The following GRID2 variants were observed in gnomAD, a reference collection of about 807,000 sequenced individuals.
GRID2 encodes the protein glutamate ionotropic receptor delta type subunit 2, also known as glutamate receptor ionotropic, delta-2.
GRID2 carries 33 observed loss-of-function variants against 114.8 expected under a neutral mutation model. That is an observed-to-expected ratio of 0.29 (90% CI 0.22 to 0.38). The LOEUF is 0.38. Ranked by LOEUF, GRID2 falls within the 10% of genes least tolerant of loss-of-function variation. GRID2 has a pLI of 1.00. For synonymous variants in GRID2, 505 were observed against 449.9 expected, an observed-to-expected ratio of 1.12 and a Z score of -1.55; for missense variants, 1,184 against 1,257.7, an observed-to-expected ratio of 0.94 and a Z score of 0.89.
intron 1 of GRID2, among the ~76,000 whole-genome samples, chr4:93,781,502 T>A (rs1337549457): frequency 6.6e-6 from 1 of 152,108 alleles, no homozygotes; most frequent in Non-Finnish European, 1.5e-5. Flanking sequence ...TCATTTGCAG[T>A]GGGTCCCTCA....
At chr4:93,465,347 A>C (rs1475459924) in intron 11 of GRID2, among the ~76,000 whole-genome samples, 1 of 152,188 alleles carries the variant, frequency 6.6e-6, no homozygotes, top group Non-Finnish European at 1.5e-5. Flanking sequence ...ATTATTTAAA[A>C]TTTTCTTTTA....
At chr4:93,341,650 C>T (rs1042698657) in intron 8 of GRID2, among the ~76,000 whole-genome samples, 1 of 152,076 alleles carries the variant, frequency 6.6e-6, no homozygotes, top group Non-Finnish European at 1.5e-5. Context: ...ATGTGTACAT[C>T]TTCTTATTTG....
rs1202098315 is a variant in GRID2 at position 93,764,069 on chromosome 4, C to G, written c.2361-5141C>G. ...AAATAAATTAATTTGAAAATCATTT[C>G]CTAGAGTAGTGACTAAAAATGGTAA... On this transcript the variant is annotated intron_variant, in intron 14 of 15. Transcript: ENST00000282020. 4.6e-5 allele frequency among the ~76,000 whole-genome samples: 7 copies of G among 152,042 alleles called. 1 individual carries two copies. The highest frequency in any genetic ancestry group is 2.0e-4 in the Admixed American group (3 of 15,252).
intron 10 of GRID2, among the ~76,000 whole-genome samples, chr4:93,434,067 G>A (rs532746737): frequency 1.3e-5 from 2 of 152,286 alleles, no homozygotes; most frequent in South Asian, 4.1e-4. Flanking sequence ...TCCTCTCTGA[G>A]TCACAATGTC....
intron 2 of GRID2, among the ~76,000 whole-genome samples, chr4:92,897,881 G>A (rs1747284392): frequency 6.6e-6 from 1 of 152,156 alleles, no homozygotes; most frequent in South Asian, 2.1e-4. Context: ...TAGGAATGAA[G>A]TACAACAGTT....
intron 2 of GRID2, among the ~76,000 whole-genome samples, chr4:92,955,478 G>C (rs1752335911): frequency 6.6e-6 from 1 of 151,686 alleles, no homozygotes; most frequent in South Asian, 2.1e-4. Context: ...TTTTTTTCTT[G>C]TAAATTTGTT....
intron 14 of GRID2, among the ~76,000 whole-genome samples, chr4:93,656,031 A>T (rs1722961067): frequency 6.6e-6 from 1 of 151,692 alleles, no homozygotes; most frequent in Admixed American, 6.6e-5. Flanking sequence ...AAAGTTATGC[A>T]ATATATATCA....
At chr4:92,792,443 TAGC>T (rs1739634907) in intron 2 of GRID2, among the ~76,000 whole-genome samples, 1 of 143,744 alleles carries the variant, frequency 7.0e-6, no homozygotes. Context: ...ATGATTTTAT[TAGC>T]AGGCAAGAGA....
intron 14 of GRID2, among the ~76,000 whole-genome samples, chr4:93,707,826 T>G (rs1728141344): frequency 6.6e-6 from 1 of 151,920 alleles, no homozygotes; most frequent in African/African-American, 2.4e-5. Flanking sequence ...AGGTGCTTAT[T>G]GCTGTAAATC....
chr4:92,867,437 A>C (rs897019698), intron 2 of GRID2, among the ~76,000 whole-genome samples: 1 of 152,144 alleles, frequency 6.6e-6, no homozygotes, highest in African/African-American at 2.4e-5. Flanking sequence ...CACAATTCTA[A>C]TCAGAGAAGA....
At chr4:93,335,687 C>CTTTTTTCTT (rs556098287) in intron 8 of GRID2, among the ~76,000 whole-genome samples, 1 of 118,080 alleles carries the variant, frequency 8.5e-6, no homozygotes, top group African/African-American at 3.8e-5. Flanking sequence ...CTCTTTCTTT[C>CTTTTTTCTT]TTCTTTCTTT....
At chr4:93,508,404 C>G (rs765564193) in intron 12 of GRID2, among the ~76,000 whole-genome samples, 1 of 151,866 alleles carries the variant, frequency 6.6e-6, no homozygotes, top group Non-Finnish European at 1.5e-5. Flanking sequence ...ACCATGTTGG[C>G]CAGGATACTC....
Position 93,219,859 on chromosome 4 carries a change from G to A in GRID2, c.963+2948G>A, listed in dbSNP as rs141100074. 1.1e-3 allele frequency among the ~76,000 whole-genome samples: 174 copies of A among 152,234 alleles called. 1 individual carries two copies. Among genetic ancestry groups the A allele is most frequent in the Admixed American group, 1.8e-3 (27 of 15,274 alleles). ...CTAAGAAAAATTGTCTTCAAATTGGGAAGGTTAGAGTAAAATTCATTAAAA... is the reference window on the plus strand; with the variant it reads ...CTAAGAAAAATTGTCTTCAAATTGGAAAGGTTAGAGTAAAATTCATTAAAA... On this transcript the variant is annotated intron_variant, in intron 6 of 15. Coordinates refer to ENST00000282020, the MANE Select transcript of GRID2 (RefSeq NM_001510.4).
At chr4:92,943,436 G>A (rs756317137) in intron 2 of GRID2, among the ~76,000 whole-genome samples, 72 of 152,028 alleles carry the variant, frequency 4.7e-4, no homozygotes, top group Admixed American at 4.2e-3. Context: ...CCATCAGGTC[G>A]TTTAAAGACT....
intron 4 of GRID2, among the ~76,000 whole-genome samples, chr4:93,152,828 G>A (rs1736852312): frequency 6.6e-6 from 1 of 152,046 alleles, no homozygotes; most frequent in Non-Finnish European, 1.5e-5. Context: ...TGGTGCAAAG[G>A]TGTTCGGCAG....
At chr4:92,741,453 CTA>C (rs923129249) in intron 2 of GRID2, among the ~76,000 whole-genome samples, 36 of 152,270 alleles carry the variant, frequency 2.4e-4, no homozygotes, top group African/African-American at 7.7e-4. Context: ...AATTTTCACA[CTA>C]TGAAATTCTT....
At chr4:93,107,549 T>A (rs185007932) in intron 3 of GRID2, among the ~76,000 whole-genome samples, 83 of 152,142 alleles carry the variant, frequency 5.5e-4, no homozygotes, top group Middle Eastern at 3.4e-3. Flanking sequence ...ATTAAAAAAA[T>A]TTTTTTTGAG....
intron 4 of GRID2, among the ~76,000 whole-genome samples, chr4:93,113,912 G>A (rs552856758): frequency 6.6e-6 from 1 of 152,280 alleles, no homozygotes; most frequent in South Asian, 2.1e-4. Flanking sequence ...CATGCAGCAA[G>A]AAGGCAAAGG....
intron 13 of GRID2, among the ~76,000 whole-genome samples, chr4:93,590,743 T>C (rs1426146112): frequency 3.3e-5 from 5 of 152,144 alleles, no homozygotes; most frequent in Non-Finnish European, 7.3e-5. Flanking sequence ...AGCAGCGGTT[T>C]GTAGTTCTCC....
Sources: gnomAD v4.1 joint callset for allele counts (sites outside exome capture counted in the v4.1 genomes callset) on GRCh38, gnomAD v4.1.1 for gene constraint, MANE v1.5 for transcripts, NCBI Gene and HGNC (gene_info 2026-07-23, HGNC 2026-07-21) for gene names.